The following MBTD1 variants were observed in gnomAD, a reference collection of about 807,000 sequenced individuals.
MBTD1 encodes MBT domain-containing protein 1.
MBTD1 carries 24 observed loss-of-function variants against 87.8 expected under a neutral mutation model. That is an observed-to-expected ratio of 0.27 (90% CI 0.20 to 0.38). MBTD1 has a LOEUF of 0.38. MBTD1 is among the 10% of genes least tolerant of loss of function. The pLI is 1.00. For missense variants in MBTD1, 436 were observed against 760.2 expected, an observed-to-expected ratio of 0.57 and a Z score of 5.02; for synonymous variants, 237 against 248.6, an observed-to-expected ratio of 0.95 and a Z score of 0.44.
chr17:51,203,729 T>G, intron 8 of MBTD1, 62 bp downstream of exon 8: 6 of 1,515,602 alleles, frequency 4.0e-6, no homozygotes, highest in Non-Finnish European at 5.4e-6. Context: ...CATTACTATG[T>G]GTAAAATAGC....
At chr17:51,202,977 AG>A in intron 9 of MBTD1, 42 bp from the exon 10 acceptor site, 1 of 1,488,956 alleles carries the variant, frequency 6.7e-7, no homozygotes, top group East Asian at 2.3e-5. Context: ...TTCATGACAA[AG>A]GTCTACAAGA....
At chr17:51,260,630 G>A (rs532829481), upstream of MBTD1, 2 of 1,612,700 alleles carry the variant, frequency 1.2e-6, no homozygotes, top group East Asian at 2.2e-5. Flanking sequence ...CCGGAGAACC[G>A]GAGCGAAGCC....
intron 2 of MBTD1, among the ~76,000 whole-genome samples, chr17:51,241,768 G>A (rs2054173621): frequency 6.6e-6 from 1 of 152,086 alleles, no homozygotes; most frequent in Non-Finnish European, 1.5e-5. Context: ...GTTTCACCAT[G>A]TTTGCCAGGC....
At chr17:51,248,342 C>A (rs1290498149) in intron 2 of MBTD1, among the ~76,000 whole-genome samples, 2 of 152,200 alleles carry the variant, frequency 1.3e-5, no homozygotes, top group Admixed American at 1.3e-4. Flanking sequence ...CCTCTGCTCA[C>A]TGCTTTAAAT....
At position 51,203,808 on chromosome 17, in the gene MBTD1, G is replaced by A. The variant is rs2051638699; in HGVS notation, c.722C>T (p.Pro241Leu). Residue 241 changes from proline to leucine, a missense_variant, in exon 8 of 17, where the codon CCT becomes CTT. Around this residue, in one of 5 missense-constraint regions of MBTD1, gnomAD observed 268 missense variants for 401.8 expected, o/e 0.67. Coordinates refer to ENST00000586178, the MANE Select transcript of MBTD1 (RefSeq NM_017643.3). Reference sequence around the variant, plus strand: ...CTACTTACTTCTAGGAGGAACAAGAGGTTTTCCGCTGGCTGCACACCAACC... The same window carrying A: ...CTACTTACTTCTAGGAGGAACAAGAAGTTTTCCGCTGGCTGCACACCAACC... ...PVGWCAASGK[P>L]LVPPRTIQHK... The A allele has an allele frequency of 6.2e-7, 1 of 1,612,082 alleles. No individual in the cohort carries two copies. The highest frequency in any genetic ancestry group is 1.7e-5 in the Admixed American group (1 of 59,072).
At chr17:51,192,342 G>C in intron 15 of MBTD1, 62 bp from the exon 16 acceptor site, 1 of 1,156,520 alleles carries the variant, frequency 8.6e-7, no homozygotes, top group Non-Finnish European at 1.3e-6. Context: ...CGATACAGTT[G>C]TCTAGATACA....
In MBTD1 at chr17:51,179,887, G is replaced by A. The variant is rs184447462; in HGVS notation, c.*689C>T. 6.6e-6 allele frequency: 1 copy of A among 152,112 alleles called. No homozygotes were observed. Among genetic ancestry groups the A allele is most frequent in the East Asian group, 1.9e-4 (1 of 5,174 alleles). The allele number at this position is 152,112 out of a possible 1,614,324, so 9.4% of individuals were successfully genotyped here. Reference sequence around the variant, plus strand: ...TTCCAGTTTAACACTTTAGTGTTAGGATAATTCTAATCATTTTTTTAATTA... The same window carrying A: ...TTCCAGTTTAACACTTTAGTGTTAGAATAATTCTAATCATTTTTTTAATTA... On this transcript the variant is annotated 3_prime_UTR_variant, in exon 17 of 17. Transcript: ENST00000586178.
intron 2 of MBTD1, among the ~76,000 whole-genome samples, chr17:51,243,210 G>A (rs1015090979): frequency 4.6e-5 from 7 of 152,022 alleles, no homozygotes; most frequent in Non-Finnish European, 8.8e-5. Flanking sequence ...CCCCAGAGGT[G>A]CTGGGAATGT....
chr17:51,201,561 C>A (rs1459561705), intron 12 of MBTD1, 31 bp downstream of exon 12: 2 of 1,394,618 alleles, frequency 1.4e-6, no homozygotes, highest in Non-Finnish European at 2.0e-6. Flanking sequence ...CCTATAATTG[C>A]ATTTCTATAT....
chr17:51,216,577 T>C (rs757784038), intron 6 of MBTD1, among the ~76,000 whole-genome samples: 6 of 152,182 alleles, frequency 3.9e-5, no homozygotes, highest in Non-Finnish European at 8.8e-5. Context: ...TAGTTCCTTG[T>C]TTTTGTGACT....
At chr17:51,210,040 C>T (rs1295058034) in intron 6 of MBTD1, among the ~76,000 whole-genome samples, 3 of 152,074 alleles carry the variant, frequency 2.0e-5, no homozygotes, top group Non-Finnish European at 2.9e-5. Flanking sequence ...CTTACTCTGT[C>T]GCCCAGGCTG....
intron 2 of MBTD1, among the ~76,000 whole-genome samples, chr17:51,230,401 T>C (rs1402595884): frequency 6.6e-6 from 1 of 152,054 alleles, no homozygotes; most frequent in Non-Finnish European, 1.5e-5. Context: ...TATCAAGTAT[T>C]TGTGGGTCTC....
intron 16 of MBTD1, chr17:51,186,387 G>A (rs538570137): frequency 6.6e-6 from 1 of 152,020 alleles, no homozygotes; most frequent in South Asian, 2.1e-4. Flanking sequence ...TGTGTGTGTT[G>A]GGGGAGATTG....
intron 10 of MBTD1, among the ~76,000 whole-genome samples, chr17:51,202,330 C>T (rs2051538980): frequency 6.6e-6 from 1 of 152,114 alleles, no homozygotes; most frequent in African/African-American, 2.4e-5. Context: ...TAGAAAATTA[C>T]AACTTTAGAA....
intron 2 of MBTD1, among the ~76,000 whole-genome samples, chr17:51,255,248 T>A (rs1390447889): frequency 6.6e-6 from 1 of 151,336 alleles, no homozygotes; most frequent in Non-Finnish European, 1.5e-5. Context: ...GCCACTGCAC[T>A]CCAGCCTGGG....
At chr17:51,193,130 C>A (rs966908509) in intron 14 of MBTD1, 114 bp from the exon 15 acceptor site, 2 of 721,838 alleles carry the variant, frequency 2.8e-6, no homozygotes, top group African/African-American at 1.8e-5. Context: ...TAATTATAAA[C>A]CATAAATTCC....
At chr17:51,218,731 C>T (rs2052721166) in intron 5 of MBTD1, among the ~76,000 whole-genome samples, 199 bp downstream of exon 5, 1 of 152,038 alleles carries the variant, frequency 6.6e-6, no homozygotes. Context: ...GCCAAAAGCA[C>T]TTGAACTTAT....
upstream of MBTD1, chr17:51,260,922 C>G (rs1052635629): frequency 3.8e-6 from 6 of 1,574,302 alleles, no homozygotes; most frequent in Middle Eastern, 2.0e-4. Flanking sequence ...CTGCGAGGCC[C>G]GAGGGTGAGG....
chr17:51,206,510 G>A (rs2051845589), intron 7 of MBTD1, among the ~76,000 whole-genome samples: 1 of 151,896 alleles, frequency 6.6e-6, no homozygotes, highest in Non-Finnish European at 1.5e-5. Flanking sequence ...TTATGGCTGT[G>A]ATCTAAGAAT....
Sources: allele counts gnomAD v4.1 joint callset (sites outside exome capture counted in the v4.1 genomes callset), GRCh38; gene constraint gnomAD v4.1.1; regional missense constraint gnomAD v4.1.1; transcripts MANE v1.5; gene names NCBI Gene and HGNC (gene_info 2026-07-23, HGNC 2026-07-21).